EYS: variants seen among roughly 807,000 people sequenced by gnomAD.
EYS encodes the protein EGF-like photoreceptor maintenance factor.
In EYS, 250 loss-of-function variants were observed where a neutral mutation model predicts 282.1. The ratio of observed to expected loss-of-function variants is 0.89; its 90% confidence interval spans 0.80 to 0.98. The LOEUF (loss-of-function observed/expected upper bound fraction) is 0.98. Ranked by LOEUF, EYS falls within the 50% of genes least tolerant of loss-of-function variation. The pLI is 0.00. For synonymous variants in EYS, 1,355 were observed against 1,282.9 expected (o/e 1.06, Z -1.20); for missense variants, 4,016 against 3,709.0 (o/e 1.08, Z -2.15).
In EYS at chr6:65,408,850, C is replaced by T. The variant is rs781318823; in HGVS notation, c.863-3483G>A. Among the ~76,000 whole-genome samples, 20 of 152,032 alleles carry T rather than the reference C, an allele frequency of 1.3e-4. 1 individual carries two copies. The highest frequency in any genetic ancestry group is 2.5e-4 in the Non-Finnish European group (17 of 68,012). On this transcript the variant is annotated intron_variant, in intron 5 of 42. Coordinates refer to ENST00000503581, the MANE Select transcript of EYS (RefSeq NM_001142800.2). ...TGGTGTAGAAACTTGGAACTATAAG[C>T]ACTGTTATAAGTACTTAAGCACAGT...
At chr6:63,868,150 A>G (rs922270811) in intron 35 of EYS, among the ~76,000 whole-genome samples, 6 of 152,168 alleles carry the variant, frequency 3.9e-5, no homozygotes, top group Non-Finnish European at 8.8e-5. Context: ...ATAAAAGAGG[A>G]AAAAATTCAC....
At chr6:65,203,469 G>C (rs1465188735) in intron 12 of EYS, among the ~76,000 whole-genome samples, 1 of 152,046 alleles carries the variant, frequency 6.6e-6, no homozygotes, top group Admixed American at 6.6e-5. Flanking sequence ...ACTACACTCA[G>C]GCTATCTATA....
At chr6:65,080,990 A>T (rs1443050236) in intron 12 of EYS, among the ~76,000 whole-genome samples, 2 of 152,098 alleles carry the variant, frequency 1.3e-5, no homozygotes, top group African/African-American at 4.8e-5. Context: ...TTACAGTCTC[A>T]GCAGGTAGAA....
rs558244144 is a variant in EYS at position 65,582,507 on chromosome 6, T to A, written c.-333+57271A>T. ...AGGCTAGCTCTCATGTCAACTGTAT[T>A]CATTTCTGCATGTCATTCTGAACCA... On this transcript the variant is annotated intron_variant, in intron 2 of 42. Transcript: ENST00000503581. Among the ~76,000 whole-genome samples, 34 of 152,284 alleles carry A rather than the reference T, an allele frequency of 2.2e-4. No individual in the cohort carries two copies. In the South Asian group the frequency reaches 6.4e-3, roughly 29 times the overall value.
chr6:65,498,556 C>T (rs1436102275), intron 2 of EYS, among the ~76,000 whole-genome samples: 6 of 151,902 alleles, frequency 3.9e-5, no homozygotes, highest in Non-Finnish European at 8.8e-5. Flanking sequence ...TTAGAGCACG[C>T]TGGGTCTCTA....
chr6:65,001,281 G>T (rs193183462), intron 13 of EYS, among the ~76,000 whole-genome samples: 1 of 147,592 alleles, frequency 6.8e-6, no homozygotes, highest in Admixed American at 6.7e-5. Context: ...GAGAGATCTT[G>T]AGTGGTGGAG....
Position 64,125,132 on chromosome 6 carries a change from A to AAC in EYS, c.6425-43132_6425-43131dup, listed in dbSNP as rs150010184. Among the ~76,000 whole-genome samples, 500 of 145,642 alleles carry AAC rather than the reference A, an allele frequency of 3.4e-3. 6 individuals carry two copies. Among genetic ancestry groups the AAC allele is most frequent in the African/African-American group, 0.012 (435 of 36,990 alleles). ...TCCCATTTTTTTTCTGATGATGTCA[A>AAC]ACACACACACACACACTCTCTGTCT... On this transcript the variant is annotated intron_variant, in intron 31 of 42. Transcript: ENST00000503581.
intron 29 of EYS, among the ~76,000 whole-genome samples, chr6:64,363,881 G>A (rs1376791404): frequency 6.6e-6 from 1 of 151,796 alleles, no homozygotes; most frequent in African/African-American, 2.4e-5. Context: ...CCAAAGGGAG[G>A]CAGAATAAGT....
chr6:64,171,928 G>C (rs936410084), intron 31 of EYS, among the ~76,000 whole-genome samples: 4 of 152,158 alleles, frequency 2.6e-5, no homozygotes, highest in African/African-American at 7.2e-5. Flanking sequence ...AGGTGAGGTG[G>C]TCATGGACTC....
Position 64,590,380 on chromosome 6 carries a change from T to C in EYS, c.5487A>G (p.Lys1829=), listed in dbSNP as rs373872866. ...YFTDYMTSLK[K]EVKTSSEWSK... is the part of the protein sequence containing the mutation. ...ACCATTCTGAAGAAGTCTTGACCTCTTTTTTAAGAGAGGTCATATAATCTG... is the reference window on the plus strand; with the variant it reads ...ACCATTCTGAAGAAGTCTTGACCTCCTTTTTAAGAGAGGTCATATAATCTG... Residue 1829 remains lysine (K), a synonymous_variant, in exon 26 of 43, where the codon AAA becomes AAG. Transcript: ENST00000503581. 47 of 1,551,292 alleles carry C rather than the reference T, an allele frequency of 3.0e-5. No homozygotes were observed. Among genetic ancestry groups the C allele is most frequent in the East Asian group, 2.9e-4 (12 of 40,912 alleles).
chr6:65,672,986 G>A (rs1195529197), intron 1 of EYS, among the ~76,000 whole-genome samples: 2 of 152,056 alleles, frequency 1.3e-5, no homozygotes, highest in African/African-American at 4.8e-5. Context: ...TCAGTGGGGA[G>A]CTTCTGAGCC....
chr6:64,203,951 TC>T (rs560435551), intron 31 of EYS, among the ~76,000 whole-genome samples: 32 of 152,204 alleles, frequency 2.1e-4, no homozygotes, highest in Non-Finnish European at 4.0e-4. Flanking sequence ...AACTATCATT[TC>T]TTTCTTAAAA....
chr6:64,125,038 G>A (rs1773717880), intron 31 of EYS, among the ~76,000 whole-genome samples: 1 of 152,004 alleles, frequency 6.6e-6, no homozygotes, highest in African/African-American at 2.4e-5. Flanking sequence ...CAAAAGTTCT[G>A]ATCAAAATTT....
At chr6:63,773,297 G>C (rs1271225508) in intron 40 of EYS, among the ~76,000 whole-genome samples, 2 of 152,244 alleles carry the variant, frequency 1.3e-5, no homozygotes, top group South Asian at 4.1e-4. Flanking sequence ...AGAGTTAAAG[G>C]TAATTCCAAG....
intron 30 of EYS, among the ~76,000 whole-genome samples, chr6:64,248,183 T>TTGTGTGTGTGTGTG (rs10589491): frequency 6.2e-5 from 9 of 146,304 alleles, no homozygotes; most frequent in African/African-American, 2.3e-4. Context: ...CAGAAGAAGC[T>TTGTGTGTGTGTGTG]TGTGTGTGTG....
chr6:64,172,374 C>A (rs9344824), intron 31 of EYS, among the ~76,000 whole-genome samples: 41,870 of 151,752 alleles, frequency 0.28, 6,030 homozygotes, highest in East Asian at 0.44. Flanking sequence ...TGACCAGAAA[C>A]CCCAATTTTC....
chr6:64,969,105 C>A (rs1770203148), intron 14 of EYS, among the ~76,000 whole-genome samples: 1 of 151,894 alleles, frequency 6.6e-6, no homozygotes, highest in Non-Finnish European at 1.5e-5. Context: ...AAAAAAAAAT[C>A]TCATTTCCTA....
intron 19 of EYS, among the ~76,000 whole-genome samples, chr6:64,880,350 A>T: frequency 6.6e-6 from 1 of 151,914 alleles, no homozygotes; most frequent in East Asian, 1.9e-4. Context: ...TGCTATGAAG[A>T]TTCTAATGTC....
chr6:64,056,513 C>T (rs1770990293), intron 33 of EYS, among the ~76,000 whole-genome samples: 1 of 152,168 alleles, frequency 6.6e-6, no homozygotes, highest in Non-Finnish European at 1.5e-5. Flanking sequence ...AGAGGCTACA[C>T]CAAACTGGAA....
Sources: gnomAD v4.1 joint callset for allele counts (sites outside exome capture counted in the v4.1 genomes callset) on GRCh38, gnomAD v4.1.1 for gene constraint, MANE v1.5 for transcripts, NCBI Gene and HGNC (gene_info 2026-07-23, HGNC 2026-07-21) for gene names.